The following MACROD2 variants were observed in gnomAD, a reference collection of about 807,000 sequenced individuals.
The protein encoded by MACROD2 is ADP-ribose glycohydrolase MACROD2.
In MACROD2, 36 loss-of-function variants were observed where a neutral mutation model predicts 70.4. The observed-to-expected ratio is 0.51, with a 90% CI of 0.39 to 0.68. The LOEUF (loss-of-function observed/expected upper bound fraction) is 0.68. Ranked by LOEUF, MACROD2 falls within the 30% of genes least tolerant of loss-of-function variation. MACROD2 has a pLI of 0.00. For synonymous variants in MACROD2, 172 were observed against 178.8 expected (o/e 0.96, Z 0.30); for missense variants, 496 against 538.4 (o/e 0.92, Z 0.78).
intron 5 of MACROD2, among the ~76,000 whole-genome samples, chr20:14,910,185 C>T (rs1025461420): frequency 1.3e-5 from 2 of 152,188 alleles, no homozygotes; most frequent in Admixed American, 1.3e-4. Context: ...GTTTGGTGTG[C>T]TCAAGACCTG....
chr20:15,453,049 G>C (rs532028230), intron 7 of MACROD2, among the ~76,000 whole-genome samples: 1 of 152,200 alleles, frequency 6.6e-6, no homozygotes, highest in South Asian at 2.1e-4. Flanking sequence ...TGTGTCAGTG[G>C]CTTGTCCAAA....
intron 15 of MACROD2, 146 bp from the exon 16 acceptor site, chr20:16,041,055 T>C (rs2067300862): frequency 7.2e-6 from 5 of 692,422 alleles, no homozygotes; most frequent in Non-Finnish European, 1.2e-5. Flanking sequence ...ACCCTCTGTT[T>C]CCTCTTTTAA....
At chr20:15,318,298 G>T (rs2077836373) in intron 6 of MACROD2, among the ~76,000 whole-genome samples, 1 of 152,040 alleles carries the variant, frequency 6.6e-6, no homozygotes, top group Admixed American at 6.6e-5. Context: ...AACAAAATTT[G>T]AACAGATTTA....
At chr20:14,775,608 A>G (rs976508764) in intron 5 of MACROD2, among the ~76,000 whole-genome samples, 1 of 152,004 alleles carries the variant, frequency 6.6e-6, no homozygotes, top group African/African-American at 2.4e-5. Context: ...ACCTCCCACC[A>G]GGTCACACCA....
Position 14,230,669 on chromosome 20 carries a change from CTATATAT to C in MACROD2, c.271+144942_271+144948del, listed in dbSNP as rs1569217482. ...TATATATATATAACACAGGCTGGGC[CTATATAT>C]ATATATATATATATATATATATATG... is the stretch of plus-strand genomic sequence containing the variant. On this transcript the variant is annotated intron_variant, in intron 3 of 17. Transcript: ENST00000684519. Among the ~76,000 whole-genome samples the C allele has an allele frequency of 2.2e-5, 2 of 92,918 alleles. 1 individual carries two copies. Among genetic ancestry groups the C allele is most frequent in the East Asian group, 9.0e-4 (2 of 2,222 alleles). 61.0% of individuals were successfully genotyped at this position (92,918 alleles called of 152,430 possible).
intron 8 of MACROD2, among the ~76,000 whole-genome samples, chr20:15,655,775 G>A (rs923428065): frequency 1.3e-5 from 2 of 152,066 alleles, no homozygotes; most frequent in Non-Finnish European, 2.9e-5. Context: ...ATGTCCACAC[G>A]CACTTTTCTT....
chr20:15,077,752 A>G (rs866193267), intron 5 of MACROD2, among the ~76,000 whole-genome samples: 1 of 152,200 alleles, frequency 6.6e-6, no homozygotes, highest in South Asian at 2.1e-4. Flanking sequence ...TATAGATGCC[A>G]TTTCTTACCA....
intron 2 of MACROD2, among the ~76,000 whole-genome samples, chr20:14,046,117 T>A (rs1159196599): frequency 6.6e-6 from 1 of 152,182 alleles, no homozygotes; most frequent in East Asian, 1.9e-4. Flanking sequence ...ATCATTAAAC[T>A]GAAGAAGTAC....
chr20:15,529,158 A>G (rs972758086), intron 8 of MACROD2, among the ~76,000 whole-genome samples: 1 of 152,164 alleles, frequency 6.6e-6, no homozygotes, highest in African/African-American at 2.4e-5. Context: ...CATTGTTCTC[A>G]GCCAAAAGGA....
intron 2 of MACROD2, among the ~76,000 whole-genome samples, chr20:14,063,232 A>G (rs1023610741): frequency 2.0e-5 from 3 of 152,208 alleles, no homozygotes; most frequent in Non-Finnish European, 4.4e-5. Context: ...GGGCTATTGT[A>G]ACAAAGAGAT....
chr20:14,619,437 G>A (rs1600464110), intron 4 of MACROD2, among the ~76,000 whole-genome samples: 1 of 105,242 alleles, frequency 9.5e-6, no homozygotes, highest in African/African-American at 3.4e-5. Flanking sequence ...AAGGAAGGGA[G>A]GGAGGGAGGA....
chr20:14,495,095 T>A (rs1275832468), intron 4 of MACROD2, among the ~76,000 whole-genome samples: 1 of 152,180 alleles, frequency 6.6e-6, no homozygotes, highest in African/African-American at 2.4e-5. Flanking sequence ...CTAATTATAT[T>A]AGTTAAAATC....
intron 8 of MACROD2, among the ~76,000 whole-genome samples, chr20:15,745,974 G>A (rs6043505): frequency 0.073 from 11,161 of 152,052 alleles, 1,368 homozygotes; most frequent in African/African-American, 0.25. Context: ...TTACCTTTTA[G>A]TTTTTGTTTT....
At chr20:15,048,273 T>A (rs2075411248) in intron 5 of MACROD2, among the ~76,000 whole-genome samples, 1 of 152,044 alleles carries the variant, frequency 6.6e-6, no homozygotes, top group Admixed American at 6.6e-5. Flanking sequence ...AGAGCAAGAC[T>A]CCATCTCAAA....
chr20:14,214,852 T>C (rs1475376369), intron 3 of MACROD2, among the ~76,000 whole-genome samples: 3 of 151,926 alleles, frequency 2.0e-5, no homozygotes, highest in Non-Finnish European at 2.9e-5. Context: ...GAACATATGA[T>C]GTTTGGTTTT....
intron 3 of MACROD2, among the ~76,000 whole-genome samples, chr20:14,486,559 G>A (rs1039932079): frequency 2.7e-5 from 3 of 109,280 alleles, no homozygotes; most frequent in South Asian, 3.2e-4. Context: ...CATTCTTGTC[G>A]CCCAGGCTGG....
chr20:14,456,015 C>T (rs1266306414), intron 3 of MACROD2, among the ~76,000 whole-genome samples: 1 of 151,720 alleles, frequency 6.6e-6, no homozygotes, highest in Non-Finnish European at 1.5e-5. Flanking sequence ...AACAAATTTG[C>T]AGTGATTCTA....
chr20:15,488,888 C>A (rs1186996130), intron 7 of MACROD2, among the ~76,000 whole-genome samples: 1 of 152,182 alleles, frequency 6.6e-6, no homozygotes, highest in East Asian at 1.9e-4. Flanking sequence ...GCAGGAACAG[C>A]TTGCATAGAA....
chr20:14,324,959 C>G (rs1248741844), intron 3 of MACROD2: 1 of 152,392 alleles, frequency 6.6e-6, no homozygotes, highest in Non-Finnish European at 1.5e-5. Context: ...TTGCCTAGAG[C>G]AAAAATGGAG....
Sources: allele counts gnomAD v4.1 joint callset (sites outside exome capture counted in the v4.1 genomes callset), GRCh38; gene constraint gnomAD v4.1.1; transcripts MANE v1.5; gene names NCBI Gene and HGNC (gene_info 2026-07-23, HGNC 2026-07-21).